Variants in CDH18 observed in about 807,000 individuals in gnomAD.
CDH18 encodes the protein cadherin 18, also known as cadherin-18.
CDH18 carries 31 observed loss-of-function variants against 67.9 expected under a neutral mutation model. The observed-to-expected ratio is 0.46, with a 90% confidence interval of 0.34 to 0.62. The LOEUF is 0.62. Among genes scored for constraint, CDH18 ranks in the 20% least tolerant of loss-of-function variants. The pLI is 0.01. For missense variants in CDH18, 890 were observed against 975.5 expected (o/e 0.91, Z 1.17); for synonymous variants, 362 against 347.2 (o/e 1.04, Z -0.48).
intron 10 of CDH18, among the ~76,000 whole-genome samples, chr5:19,505,977 T>C (rs1744084346): frequency 6.6e-6 from 1 of 152,162 alleles, no homozygotes. Context: ...AGGCTATTAA[T>C]TATTGCCTCA....
chr5:20,567,128 G>T (rs1251261363), intron 1 of CDH18, among the ~76,000 whole-genome samples: 1 of 152,100 alleles, frequency 6.6e-6, no homozygotes, highest in Non-Finnish European at 1.5e-5. Context: ...TATTTCAATA[G>T]AATATTTAAT....
At chr5:19,999,989 C>G (rs1027533291) in intron 2 of CDH18, among the ~76,000 whole-genome samples, 5 of 152,136 alleles carry the variant, frequency 3.3e-5, no homozygotes, top group African/African-American at 1.2e-4. Flanking sequence ...ACTATCATCT[C>G]TTTTGTTAAT....
intron 2 of CDH18, among the ~76,000 whole-genome samples, chr5:19,970,492 A>T (rs1355612552): frequency 2.0e-5 from 3 of 151,588 alleles, no homozygotes; most frequent in Middle Eastern, 3.4e-3. Context: ...TCAAAATTTT[A>T]AAATATAGTT....
At chr5:20,414,618 T>C (rs1041317461) in intron 1 of CDH18, among the ~76,000 whole-genome samples, 1 of 152,034 alleles carries the variant, frequency 6.6e-6, no homozygotes, top group Non-Finnish European at 1.5e-5. Context: ...ATGTAAAAAA[T>C]AAATAAATAA....
chr5:20,471,350 C>T (rs1289166240), intron 1 of CDH18, among the ~76,000 whole-genome samples: 1 of 152,102 alleles, frequency 6.6e-6, no homozygotes, highest in African/African-American at 2.4e-5. Flanking sequence ...AGCTTCTAAA[C>T]TGGTTTCCCT....
At chr5:20,522,122 C>G (rs747359498) in intron 1 of CDH18, among the ~76,000 whole-genome samples, 2 of 152,060 alleles carry the variant, frequency 1.3e-5, no homozygotes, top group Non-Finnish European at 2.9e-5. Context: ...AAACAAATAC[C>G]CACTGATGGA....
intron 1 of CDH18, among the ~76,000 whole-genome samples, chr5:20,561,078 T>TG (rs1471048066): frequency 6.6e-6 from 1 of 152,104 alleles, no homozygotes; most frequent in Non-Finnish European, 1.5e-5. Context: ...TGTGCTAGAA[T>TG]GGCCAAAATT....
chr5:19,578,440 A>C (rs78079179), intron 7 of CDH18, among the ~76,000 whole-genome samples: 1 of 152,096 alleles, frequency 6.6e-6, no homozygotes, highest in East Asian at 1.9e-4. Flanking sequence ...GAAATCCTTC[A>C]TATTAAATTT....
chr5:20,058,294 C>T (rs551536407), intron 2 of CDH18, among the ~76,000 whole-genome samples: 1 of 152,142 alleles, frequency 6.6e-6, no homozygotes, highest in South Asian at 2.1e-4. Context: ...TTAAGACATA[C>T]CTTAAATGAA....
chr5:19,664,431 GC>G (rs1383259047), intron 5 of CDH18, among the ~76,000 whole-genome samples: 5 of 151,760 alleles, frequency 3.3e-5, no homozygotes, highest in African/African-American at 1.2e-4. Context: ...TGTATATTAA[GC>G]AAAATTGAGA....
intron 3 of CDH18, among the ~76,000 whole-genome samples, chr5:19,748,029 C>T (rs6887151): frequency 0.011 from 1,553 of 140,560 alleles, 26 homozygotes; most frequent in African/African-American, 0.039. Context: ...AGGAAAATGG[C>T]GTGAACCTGG....
At chr5:19,757,497 G>A (rs1204082068) in intron 3 of CDH18, among the ~76,000 whole-genome samples, 2 of 152,162 alleles carry the variant, frequency 1.3e-5, no homozygotes, top group African/African-American at 4.8e-5. Flanking sequence ...TGCCAACATG[G>A]CCACTTTGTT....
At chr5:20,286,220 C>G (rs1485669771) in intron 1 of CDH18, among the ~76,000 whole-genome samples, 2 of 151,220 alleles carry the variant, frequency 1.3e-5, no homozygotes, top group Admixed American at 1.3e-4. Flanking sequence ...AAGAATGAAA[C>G]TTTTAATGAA....
At chr5:19,847,005 C>T (rs1783052081) in intron 2 of CDH18, among the ~76,000 whole-genome samples, 2 of 151,898 alleles carry the variant, frequency 1.3e-5, no homozygotes, top group Non-Finnish European at 2.9e-5. Context: ...TGTTCATAGT[C>T]TTGTGGAAGT....
At chr5:19,844,066 G>T (rs1211261708) in intron 2 of CDH18, among the ~76,000 whole-genome samples, 3 of 152,150 alleles carry the variant, frequency 2.0e-5, no homozygotes, top group Non-Finnish European at 4.4e-5. Flanking sequence ...GGAGTGACTT[G>T]CCTTGTCTCA....
intron 1 of CDH18, among the ~76,000 whole-genome samples, chr5:20,396,019 GATAA>G: frequency 6.6e-6 from 1 of 152,252 alleles, no homozygotes; most frequent in East Asian, 1.9e-4. Context: ...TATACTTCTT[GATAA>G]ATAGTTACAT....
At chr5:20,128,375 G>T (rs1020333410) in intron 2 of CDH18, among the ~76,000 whole-genome samples, 2 of 152,144 alleles carry the variant, frequency 1.3e-5, no homozygotes, top group Middle Eastern at 3.4e-3. Context: ...TATCAGAAAA[G>T]AAATATACAT....
chr5:20,151,173 G>A (rs192402118), intron 2 of CDH18, among the ~76,000 whole-genome samples: 31 of 151,860 alleles, frequency 2.0e-4, no homozygotes, highest in Admixed American at 5.9e-4. Flanking sequence ...CTGGTAGTCC[G>A]TAGTGTCTAT....
chr5:19,781,394 T>C (rs1399545434), intron 3 of CDH18, among the ~76,000 whole-genome samples: 1 of 152,012 alleles, frequency 6.6e-6, no homozygotes, highest in Non-Finnish European at 1.5e-5. Flanking sequence ...CAAAAGATAT[T>C]AGAAAATGGA....
Sources: allele counts gnomAD v4.1 joint callset (sites outside exome capture counted in the v4.1 genomes callset), GRCh38; gene constraint gnomAD v4.1.1; transcripts MANE v1.5; gene names NCBI Gene and HGNC (gene_info 2026-07-23, HGNC 2026-07-21).